RBFOX1: variants seen among roughly 807,000 people sequenced by gnomAD.
RBFOX1 encodes the protein RNA binding protein fox-1 homolog 1.
In RBFOX1, 8 loss-of-function variants were observed where a neutral mutation model predicts 57.7. The ratio of observed to expected loss-of-function variants is 0.14; its 90% CI spans 0.08 to 0.25. The LOEUF (loss-of-function observed/expected upper bound fraction) is 0.25, where lower values mean the gene tolerates loss of function less well. RBFOX1 is among the 10% of genes least tolerant of loss of function. The pLI, the probability that RBFOX1 is intolerant of heterozygous loss-of-function variation, is 1.00. For synonymous variants in RBFOX1, 326 were observed against 222.4 expected, an observed-to-expected ratio of 1.47 and a Z score of -4.15; for missense variants, 611 against 548.5, an observed-to-expected ratio of 1.11 and a Z score of -1.14.
chr16:6,426,699 C>G (rs898810531), intron 2 of RBFOX1, among the ~76,000 whole-genome samples: 2 of 152,180 alleles, frequency 1.3e-5, no homozygotes, highest in African/African-American at 4.8e-5. Context: ...GGCCCCTATA[C>G]CCCCATTGAG....
chr16:7,240,285 GATA>G (rs1239411485), intron 4 of RBFOX1, among the ~76,000 whole-genome samples: 1 of 152,020 alleles, frequency 6.6e-6, no homozygotes, highest in Non-Finnish European at 1.5e-5. Context: ...AAGATTTAAG[GATA>G]ATAATAATGA....
intron 2 of RBFOX1, among the ~76,000 whole-genome samples, chr16:6,633,734 C>T (rs768494182): frequency 1.8e-4 from 27 of 152,102 alleles, no homozygotes; most frequent in Non-Finnish European, 3.1e-4. Flanking sequence ...TCTAGCCAGG[C>T]GCTGTAGCTC....
intron 12 of RBFOX1, among the ~76,000 whole-genome samples, chr16:7,664,299 A>G (rs1441664400): frequency 6.6e-6 from 1 of 152,236 alleles, no homozygotes; most frequent in Non-Finnish European, 1.5e-5. Context: ...CAGAAAACAC[A>G]TTCTTGCACA....
intron 5 of RBFOX1, among the ~76,000 whole-genome samples, chr16:7,564,540 C>CAAA (rs5815409): frequency 0.06 from 4,915 of 81,974 alleles, 1,069 homozygotes; most frequent in East Asian, 0.17. Flanking sequence ...GACTCCATCT[C>CAAA]AAAAAAAAAA....
intron 4 of RBFOX1, among the ~76,000 whole-genome samples, chr16:7,346,289 G>A (rs2097003537): frequency 6.6e-6 from 1 of 152,088 alleles, no homozygotes; most frequent in Non-Finnish European, 1.5e-5. Flanking sequence ...CACACACCAT[G>A]ATGTGTCAGC....
chr16:6,709,784 A>G (rs988081925), intron 3 of RBFOX1, among the ~76,000 whole-genome samples: 4 of 152,102 alleles, frequency 2.6e-5, no homozygotes, highest in African/African-American at 4.8e-5. Flanking sequence ...CCCAGGAGAT[A>G]CTGCGGCAAG....
chr16:7,581,135 G>A (rs17756744), intron 6 of RBFOX1, among the ~76,000 whole-genome samples: 26,597 of 152,046 alleles, frequency 0.17, 2,656 homozygotes, highest in Non-Finnish European at 0.22. Flanking sequence ...CAAAAGCAGA[G>A]CGAGCATCCT....
Position 6,866,626 on chromosome 16 carries a change from C to G in RBFOX1, c.-15-185431C>G, listed in dbSNP as rs182175030. Among the ~76,000 whole-genome samples, 851 of 141,994 alleles carry G rather than the reference C, an allele frequency of 6.0e-3. 14 individuals are homozygous for G. Among genetic ancestry groups the G allele is most frequent in the African/African-American group, 0.021 (804 of 38,482 alleles). The allele number at this position is 141,994 out of a possible 152,430, so 93.2% of individuals were successfully genotyped here. A position where few individuals can be genotyped will look rare whatever the true frequency, so the allele number is the denominator to read the frequency against. On this transcript the variant is annotated intron_variant, in intron 3 of 15. Coordinates refer to ENST00000550418, the MANE Select transcript of RBFOX1 (RefSeq NM_018723.4). ...GTGCGATCTCGGCTCACTGCAAGCT[C>G]CGCCTCCCCGGTTCACGCCATTCTC...
intron 3 of RBFOX1, among the ~76,000 whole-genome samples, chr16:6,811,278 G>C (rs1415834128): frequency 1.3e-5 from 2 of 152,180 alleles, no homozygotes; most frequent in African/African-American, 4.8e-5. Flanking sequence ...CAAAAGAAGA[G>C]AAATAGAATT....
chr16:6,256,826 T>C (rs891275007), intron 1 of RBFOX1, among the ~76,000 whole-genome samples: 1 of 151,994 alleles, frequency 6.6e-6, no homozygotes, highest in African/African-American at 2.4e-5. Flanking sequence ...GAAACTCTCA[T>C]TTAGGAAGAT....
intron 8 of RBFOX1, 33 bp from the exon 9 acceptor site, chr16:7,597,338 A>G: frequency 6.5e-7 from 1 of 1,537,980 alleles, no homozygotes; most frequent in East Asian, 2.3e-5. Context: ...TGGCCCTAGA[A>G]TATGTGCTTA....
intron 2 of RBFOX1, among the ~76,000 whole-genome samples, chr16:6,342,267 T>G (rs2084681164): frequency 6.6e-6 from 1 of 152,132 alleles, no homozygotes; most frequent in African/African-American, 2.4e-5. Context: ...ATGGCGGTGG[T>G]CTGGACTAGG....
intron 2 of RBFOX1, among the ~76,000 whole-genome samples, chr16:6,505,102 T>A (rs2096056281): frequency 6.6e-6 from 1 of 152,000 alleles, no homozygotes; most frequent in Non-Finnish European, 1.5e-5. Context: ...ATTAGAAAAA[T>A]AAAGTCTACT....
chr16:5,257,741 C>G (rs2062625132), intron 1 of RBFOX1, among the ~76,000 whole-genome samples: 1 of 152,162 alleles, frequency 6.6e-6, no homozygotes, highest in Admixed American at 6.5e-5. Context: ...TCAGCCTCCC[C>G]CACGCTTCCC....
chr16:6,924,842 C>A (rs1228930666), intron 3 of RBFOX1, among the ~76,000 whole-genome samples: 1 of 134,438 alleles, frequency 7.4e-6, no homozygotes, highest in Admixed American at 7.5e-5. Flanking sequence ...TCCCCCTCCC[C>A]CTACCCCACA....
chr16:7,350,101 C>A (rs1048963964), intron 4 of RBFOX1, among the ~76,000 whole-genome samples: 33 of 152,084 alleles, frequency 2.2e-4, no homozygotes, highest in South Asian at 8.3e-4. Flanking sequence ...GAGCCGAGAT[C>A]AGGCCACTGT....
At chr16:6,444,004 A>G (rs923744239) in intron 2 of RBFOX1, among the ~76,000 whole-genome samples, 3 of 152,180 alleles carry the variant, frequency 2.0e-5, no homozygotes, top group African/African-American at 7.2e-5. Flanking sequence ...ATATATAAAT[A>G]TATATGTGTA....
chr16:5,361,948 A>C (rs2065563485), intron 1 of RBFOX1, among the ~76,000 whole-genome samples: 1 of 152,246 alleles, frequency 6.6e-6, no homozygotes, highest in South Asian at 2.1e-4. Context: ...TAATGCTCAA[A>C]TAGCATTTCA....
chr16:7,263,841 G>A (rs2095024181), intron 4 of RBFOX1, among the ~76,000 whole-genome samples: 1 of 151,310 alleles, frequency 6.6e-6, no homozygotes, highest in Admixed American at 6.6e-5. Context: ...CGGAGGTTGT[G>A]GTGAGCTGAG....
Sources: gnomAD v4.1 joint callset for allele counts (sites outside exome capture counted in the v4.1 genomes callset) on GRCh38, gnomAD v4.1.1 for gene constraint, MANE v1.5 for transcripts, NCBI Gene and HGNC (gene_info 2026-07-23, HGNC 2026-07-21) for gene names.